The following PCDHA7 variants were observed in gnomAD, a reference collection of about 807,000 sequenced individuals.
The protein encoded by PCDHA7 is protocadherin alpha 7.
In PCDHA7, 37 loss-of-function variants were observed where a neutral mutation model predicts 57.2. That is an observed-to-expected ratio of 0.65 (90% confidence interval 0.50 to 0.85). The LOEUF (loss-of-function observed/expected upper bound fraction) is 0.85, where lower values mean the gene tolerates loss of function less well. Among genes scored for constraint, PCDHA7 ranks in the 40% least tolerant of loss-of-function variants. The pLI is 0.00. For missense variants in PCDHA7, 1,188 were observed against 1,241.8 expected, an observed-to-expected ratio of 0.96 and a Z score of 0.65; for synonymous variants, 553 against 558.8, an observed-to-expected ratio of 0.99 and a Z score of 0.15.
intron 1 of PCDHA7, among the ~76,000 whole-genome samples, chr5:140,945,632 A>G (rs1258111936): frequency 6.6e-6 from 1 of 152,168 alleles, no homozygotes; most frequent in African/African-American, 2.4e-5. Flanking sequence ...GGCATAAAAG[A>G]CATGTAGACC....
intron 1 of PCDHA7, among the ~76,000 whole-genome samples, chr5:140,890,446 T>C (rs1554184296): frequency 6.6e-6 from 1 of 152,228 alleles, no homozygotes; most frequent in Admixed American, 6.5e-5. Context: ...CCTAGTGATA[T>C]CTTTAGGCAC....
intron 1 of PCDHA7, chr5:140,884,243 C>A: frequency 6.2e-7 from 1 of 1,613,466 alleles, no homozygotes; most frequent in Non-Finnish European, 8.5e-7. Flanking sequence ...TGAGCCCGCG[C>A]TGACGGCCAC....
At position 140,870,703 on chromosome 5, in the gene PCDHA7, G is replaced by C. The variant is rs899824906; in HGVS notation, c.2355+33965G>C. On this transcript the variant is annotated intron_variant, in intron 1 of 3. Coordinates refer to ENST00000525929, the MANE Select transcript of PCDHA7 (RefSeq NM_018910.3). ...GGAGCTGGAGCTGCTACAGTTCCAG[G>C]TGAGCGCGCGCGATGCGGGCGTGCC... is the stretch of plus-strand genomic sequence containing the variant. 6 of 1,613,034 alleles carry C rather than the reference G, an allele frequency of 3.7e-6. No homozygotes were observed. In the Admixed American group the frequency reaches 1.0e-4, roughly 27 times the overall value.
At chr5:140,931,057 T>C (rs1554208231) in intron 1 of PCDHA7, among the ~76,000 whole-genome samples, 1 of 152,196 alleles carries the variant, frequency 6.6e-6, no homozygotes, top group Admixed American at 6.5e-5. Context: ...CAATGCTGTG[T>C]CTGGGACTAA....
intron 1 of PCDHA7, chr5:140,859,327 AAAT>A (rs2045812871): frequency 7.8e-6 from 1 of 128,784 alleles, no homozygotes; most frequent in Non-Finnish European, 1.8e-5. Flanking sequence ...TTTGAGGAGA[AAAT>A]AAAATTAATG....
In PCDHA7 at chr5:140,841,333, C is replaced by G; in HGVS notation, c.2355+4595C>G. The G allele has an allele frequency of 1.9e-6, 3 of 1,605,502 alleles. 1 individual carries two copies. Among genetic ancestry groups the G allele is most frequent in the Non-Finnish European group, 2.6e-6 (3 of 1,175,392 alleles). ...AACGACTATTTAACATGGATTATCA[C>G]TGGCGAGGAGAGCTGGGATCCTGGC... is the stretch of plus-strand genomic sequence containing the variant. On this transcript the variant is annotated intron_variant, in intron 1 of 3. Transcript: ENST00000525929.
Position 140,916,518 on chromosome 5 carries a change from T to A in PCDHA7, c.2356-62431T>A, listed in dbSNP as rs187386381. Among the ~76,000 whole-genome samples the A allele has an allele frequency of 2.6e-5, 4 of 152,306 alleles. No homozygotes were observed. The East Asian group carries it at 7.7e-4, about 29-fold the overall frequency. ...AGCAGGTGATTAATCTTGCCAAGACTGGGTCCTTCCCACCAAGGCAATGGG... is the reference window on the plus strand; with the variant it reads ...AGCAGGTGATTAATCTTGCCAAGACAGGGTCCTTCCCACCAAGGCAATGGG... On this transcript the variant is annotated intron_variant, in intron 1 of 3. Coordinates refer to ENST00000525929, the MANE Select transcript of PCDHA7 (RefSeq NM_018910.3).
At chr5:140,882,584 C>G (rs1554174685) in intron 1 of PCDHA7, 5 of 1,614,238 alleles carry the variant, frequency 3.1e-6, no homozygotes, top group South Asian at 1.1e-5. Flanking sequence ...CAGCATCCAC[C>G]TGGAGGTGAT....
intron 1 of PCDHA7, chr5:140,841,197 A>G: frequency 7.8e-7 from 1 of 1,277,430 alleles, no homozygotes; most frequent in Non-Finnish European, 1.1e-6. Context: ...CTTTTCTCTG[A>G]CAGCATCTGT....
chr5:140,838,890 A>G (rs1775934707), intron 1 of PCDHA7, among the ~76,000 whole-genome samples: 1 of 152,012 alleles, frequency 6.6e-6, no homozygotes, highest in Non-Finnish European at 1.5e-5. Context: ...ACTCCAGCCT[A>G]GGTGACAGAG....
chr5:140,978,685 CA>C (rs1426574040), intron 1 of PCDHA7, among the ~76,000 whole-genome samples: 2 of 152,242 alleles, frequency 1.3e-5, no homozygotes, highest in African/African-American at 2.4e-5. Context: ...ATGTATTGGG[CA>C]AGGCAAAGCC....
At chr5:140,999,033 G>A (rs1029128098) in intron 3 of PCDHA7, among the ~76,000 whole-genome samples, 6 of 152,148 alleles carry the variant, frequency 3.9e-5, no homozygotes, top group African/African-American at 1.4e-4. Context: ...TTGATACTTC[G>A]TCCAGTGTGC....
At chr5:140,893,548 C>T (rs2064047739) in intron 1 of PCDHA7, among the ~76,000 whole-genome samples, 1 of 152,126 alleles carries the variant, frequency 6.6e-6, no homozygotes, top group Non-Finnish European at 1.5e-5. Flanking sequence ...TAGGACTTAT[C>T]TAGTTGTAGT....
intron 3 of PCDHA7, among the ~76,000 whole-genome samples, chr5:141,006,729 T>A (rs1554260883): frequency 2.0e-5 from 3 of 151,948 alleles, no homozygotes; most frequent in Non-Finnish European, 4.4e-5. Flanking sequence ...AAATGACAGG[T>A]CTTGATGATG....
In PCDHA7 at chr5:140,855,835, T is replaced by C. The variant is rs1165073969; in HGVS notation, c.2355+19097T>C. On this transcript the variant is annotated intron_variant, in intron 1 of 3. Transcript: ENST00000525929. ...AGTTGTGAACTCATGGAATCGTACT[T>C]ACACCTAAAGCCACCGGATGTCGCT... The C allele has an allele frequency of 6.7e-5, 40 of 599,476 alleles. 4 individuals carry two copies. The highest frequency in any genetic ancestry group is 1.1e-4 in the Non-Finnish European group (39 of 347,470). 37.1% of individuals were successfully genotyped at this position (599,476 alleles called of 1,614,324 possible). A position where few individuals can be genotyped will look rare whatever the true frequency, so the allele number is the denominator to read the frequency against.
In PCDHA7 at chr5:140,912,862, T is replaced by C. The variant is rs181526076; in HGVS notation, c.2356-66087T>C. On this transcript the variant is annotated intron_variant, in intron 1 of 3. Coordinates refer to ENST00000525929, the MANE Select transcript of PCDHA7 (RefSeq NM_018910.3). Reference sequence around the variant, plus strand: ...GCTTTTTCAGCATCAATTGAAATGATATATGGTTTTTGGTCTTCATTCTGT... The same window carrying C: ...GCTTTTTCAGCATCAATTGAAATGACATATGGTTTTTGGTCTTCATTCTGT... Among the ~76,000 whole-genome samples, 6 of 152,338 alleles carry C rather than the reference T, an allele frequency of 3.9e-5. No individual in the cohort carries two copies. In the East Asian group the frequency reaches 1.2e-3, roughly 29 times the overall value.
intron 3 of PCDHA7, chr5:140,989,000 GAGACTTATTAT>G (rs2097324899): frequency 6.6e-6 from 1 of 152,202 alleles, no homozygotes; most frequent in Non-Finnish European, 1.5e-5. Flanking sequence ...TAAGGAAATA[GAGACTTATTAT>G]AGTTTCTTCA....
intron 1 of PCDHA7, chr5:140,884,487 T>C (rs374963144): frequency 6.2e-7 from 1 of 1,613,832 alleles, no homozygotes; most frequent in African/African-American, 1.3e-5. Flanking sequence ...CCCACTCTAG[T>C]GTGCTCCAGC....
chr5:140,898,246 A>G (rs377438166), intron 1 of PCDHA7, among the ~76,000 whole-genome samples: 49 of 152,286 alleles, frequency 3.2e-4, no homozygotes, highest in African/African-American at 1.1e-3. Context: ...TTGGTGTTTT[A>G]GACATGAAGT....
Sources: gnomAD v4.1 joint callset for allele counts (sites outside exome capture counted in the v4.1 genomes callset) on GRCh38, gnomAD v4.1.1 for gene constraint, MANE v1.5 for transcripts, NCBI Gene and HGNC (gene_info 2026-07-23, HGNC 2026-07-21) for gene names.